LRRC27: variants seen among roughly 807,000 people sequenced by gnomAD.
The protein encoded by LRRC27 is leucine-rich repeat-containing protein 27.
A neutral mutation model predicts 55.0 loss-of-function variants in LRRC27; 57 were observed. The observed-to-expected ratio is 1.04, with a 90% CI of 0.84 to 1.29. LRRC27 has a LOEUF of 1.29. Among genes scored for constraint, LRRC27 ranks in the 50% most tolerant of loss-of-function variants. The pLI, the probability that LRRC27 is intolerant of heterozygous loss-of-function variation, is 0.00. For missense variants in LRRC27, 721 were observed against 651.5 expected, an observed-to-expected ratio of 1.11 and a Z score of -1.16; for synonymous variants, 278 against 251.9, an observed-to-expected ratio of 1.10 and a Z score of -0.98.
intron 10 of LRRC27, among the ~76,000 whole-genome samples, chr10:132,373,964 C>G (rs1449801708): frequency 6.6e-6 from 1 of 152,216 alleles, no homozygotes; most frequent in African/African-American, 2.4e-5. Flanking sequence ...TGACTACTTA[C>G]TGGGTCAGTA....
chr10:132,343,573 T>G (rs2067524053), intron 4 of LRRC27, among the ~76,000 whole-genome samples: 1 of 152,228 alleles, frequency 6.6e-6, no homozygotes, highest in African/African-American at 2.4e-5. Context: ...GAAACGAATT[T>G]CATTTAGATA....
At chr10:132,344,939 C>T (rs1295224778) in intron 5 of LRRC27, 1 of 268,094 alleles carries the variant, frequency 3.7e-6, no homozygotes, top group Non-Finnish European at 7.2e-6. Context: ...AAGCCACCCG[C>T]AGGCGGCTGC....
rs532196779 is a variant in LRRC27 at position 132,371,491 on chromosome 10, C to A, written c.1417-3575C>A. On this transcript the variant is annotated intron_variant, in intron 10 of 10. Transcript: ENST00000368614. ...TTATCTCTACTCTGCCCAGAAGCCACCAGAATGACAGGAAAGGGAGCAAAA... is the reference window on the plus strand; with the variant it reads ...TTATCTCTACTCTGCCCAGAAGCCAACAGAATGACAGGAAAGGGAGCAAAA... Among the ~76,000 whole-genome samples, 8 of 152,312 alleles carry A rather than the reference C, an allele frequency of 5.3e-5. No individual in the cohort carries two copies. In the South Asian group the frequency reaches 1.7e-3, roughly 32 times the overall value.
In LRRC27 at chr10:132,376,812, TCCTGTAC is replaced by T. The variant is rs1384211597; in HGVS notation, c.*1574_*1580del. ...ATTGACTAATCCTGTTGCTCAGAGC[TCCTGTAC>T]CCTTACTGACTGACTTAAGCCTGGT... On this transcript the variant is annotated 3_prime_UTR_variant, in exon 11 of 11. Transcript: ENST00000368614. 1 of 152,280 alleles carries T rather than the reference TCCTGTAC, an allele frequency of 6.6e-6. No homozygotes were observed. Among genetic ancestry groups the T allele is most frequent in the Non-Finnish European group, 1.5e-5 (1 of 68,066 alleles). 9.4% of individuals were successfully genotyped at this position (152,280 alleles called of 1,614,324 possible).
chr10:132,364,725 TCCACACTTACATCTACCTCCACGC>T (rs1009854452), intron 9 of LRRC27, among the ~76,000 whole-genome samples: 1 of 1,314 alleles, frequency 7.6e-4, no homozygotes, highest in Non-Finnish European at 2.2e-3. Flanking sequence ...GCAGTCCGCG[TCCACACTTACATCTACCTCCACGC>T]CCACACTTAC....
At position 132,374,182 on chromosome 10, in the gene LRRC27, A is replaced by T. The variant is rs898171036; in HGVS notation, c.1417-884A>T. Among the ~76,000 whole-genome samples the T allele has an allele frequency of 5.7e-5, 7 of 122,898 alleles. No individual in the cohort carries two copies. Among genetic ancestry groups the T allele is most frequent in the Non-Finnish European group, 1.2e-4 (7 of 58,478 alleles). The allele number at this position is 122,898 out of a possible 152,430, so 80.6% of individuals were successfully genotyped here. ...AGTGGCTCCAGGGACCTGCTGTGAT[A>T]TGGCTGCATGGTGAGGGGGTGCAGT... On this transcript the variant is annotated intron_variant, in intron 10 of 10. Transcript: ENST00000368614. This position sits in a 1 kb window ranked among gnomAD's most constrained non-coding sequence, Gnocchi z 4.4.
chr10:132,330,672 ATTTTTTTT>A (rs57850207), upstream of LRRC27, among the ~76,000 whole-genome samples: 1 of 126,944 alleles, frequency 7.9e-6, no homozygotes. Flanking sequence ...CACACCCAGC[ATTTTTTTT>A]TTTTTTTTTT....
Sources: allele counts gnomAD v4.1 joint callset (sites outside exome capture counted in the v4.1 genomes callset), GRCh38; gene constraint gnomAD v4.1.1; non-coding constraint Gnocchi (gnomAD v3.1); transcripts MANE v1.5; gene names NCBI Gene and HGNC (gene_info 2026-07-23, HGNC 2026-07-21).